The following BNC2 variants were observed in gnomAD, a reference collection of about 807,000 sequenced individuals.
BNC2 encodes the protein basonuclin zinc finger protein 2.
Under a neutral mutation model 76.3 loss-of-function variants are expected in BNC2, and 20 were observed. The ratio of observed to expected loss-of-function variants is 0.26; its 90% CI spans 0.18 to 0.38. The LOEUF (loss-of-function observed/expected upper bound fraction) is 0.38. Among genes scored for constraint, BNC2 ranks in the 10% least tolerant of loss-of-function variants. The probability of loss-of-function intolerance (pLI) is 1.00; values close to 1 mark genes in which losing one functional copy is unlikely to be tolerated. For synonymous variants in BNC2, 582 were observed against 514.8 expected (o/e 1.13, Z -1.77); for missense variants, 1,382 against 1,399.8 (o/e 0.99, Z 0.20).
intron 1 of BNC2, among the ~76,000 whole-genome samples, chr9:16,784,778 G>C (rs1826239153): frequency 6.6e-6 from 1 of 152,208 alleles, no homozygotes; most frequent in Non-Finnish European, 1.5e-5. Context: ...AGTTAAAAGA[G>C]TGATGTGAAC....
intron 6 of BNC2, chr9:16,429,973 T>C (rs1280722850): frequency 1.9e-6 from 1 of 515,674 alleles, no homozygotes; most frequent in Admixed American, 2.0e-5. Context: ...AAGGAGACCG[T>C]TTTGCTCATT....
At chr9:16,841,543 C>CG (rs397810512) in intron 1 of BNC2, among the ~76,000 whole-genome samples, 1 of 151,606 alleles carries the variant, frequency 6.6e-6, no homozygotes, top group African/African-American at 2.4e-5. Context: ...CTAATCAAAC[C>CG]AGGGCATAAG....
At chr9:16,628,549 G>A (rs1348952744) in intron 3 of BNC2, among the ~76,000 whole-genome samples, 1 of 152,122 alleles carries the variant, frequency 6.6e-6, no homozygotes, top group Non-Finnish European at 1.5e-5. Context: ...AAGTGAGGTG[G>A]GAAACAGGGG....
chr9:16,539,681 A>C, intron 5 of BNC2, among the ~76,000 whole-genome samples: 1 of 54,070 alleles, frequency 1.8e-5, no homozygotes. Context: ...GGAGGGAGGA[A>C]GGAAGGAAGG....
In BNC2 at chr9:16,698,605, AT is replaced by A. The variant is rs1823410964; in HGVS notation, c.330+29191del. Among the ~76,000 whole-genome samples, 4 of 152,256 alleles carry A rather than the reference AT, an allele frequency of 2.6e-5. No homozygotes were observed. The South Asian group carries it at 8.3e-4, about 32-fold the overall frequency. ...ATACTCGGGAGGCTGAGGCAGGAGA[AT>A]CGCTTGAACCCGGGGAAACAGAGGT... On this transcript the variant is annotated intron_variant, in intron 3 of 6. Transcript: ENST00000380672.
chr9:16,468,559 C>G (rs1821747176), intron 5 of BNC2, among the ~76,000 whole-genome samples: 1 of 151,956 alleles, frequency 6.6e-6, no homozygotes, highest in East Asian at 1.9e-4. Context: ...CCACGCCTGG[C>G]TACTTTTTGT....
At chr9:16,570,432 C>A (rs1819289151) in intron 4 of BNC2, among the ~76,000 whole-genome samples, 1 of 152,168 alleles carries the variant, frequency 6.6e-6, no homozygotes, top group Non-Finnish European at 1.5e-5. Context: ...AATCTCTAGG[C>A]TATCACACAC....
In BNC2 at chr9:16,819,084, C is replaced by A. The variant is rs570870635; in HGVS notation, c.3+51562G>T. Among the ~76,000 whole-genome samples, 3 of 152,212 alleles carry A rather than the reference C, an allele frequency of 2.0e-5. No homozygotes were observed. The East Asian group carries it at 5.8e-4, about 29-fold the overall frequency. On this transcript the variant is annotated intron_variant, in intron 1 of 6. Coordinates refer to ENST00000380672, the MANE Select transcript of BNC2 (RefSeq NM_017637.6). ...GACATTGCATGAACCAATGACAAAA[C>A]TGAGTCATGAATTAAGAAGTGAGGT...
At chr9:16,688,247 A>G (rs1823035938) in intron 3 of BNC2, among the ~76,000 whole-genome samples, 1 of 152,200 alleles carries the variant, frequency 6.6e-6, no homozygotes, top group African/African-American at 2.4e-5. Context: ...GAATTCATCA[A>G]AATGTACTAA....
chr9:16,536,302 A>G (rs1818128502), intron 5 of BNC2, among the ~76,000 whole-genome samples: 1 of 152,198 alleles, frequency 6.6e-6, no homozygotes, highest in Admixed American at 6.5e-5. Context: ...GGCATGCAAC[A>G]TTGTGGAAAA....
chr9:16,776,244 G>A (rs879684502), intron 1 of BNC2, among the ~76,000 whole-genome samples: 11 of 152,206 alleles, frequency 7.2e-5, no homozygotes, highest in South Asian at 2.1e-4. Context: ...GGGTTCAAGC[G>A]ATTCTCCTCT....
intron 1 of BNC2, among the ~76,000 whole-genome samples, chr9:16,864,620 A>G (rs1819496047): frequency 6.6e-6 from 1 of 152,166 alleles, no homozygotes; most frequent in South Asian, 2.1e-4. Context: ...GCGTCGGCCT[A>G]TCCCCCATGT....
chr9:16,791,910 C>T (rs777697365), intron 1 of BNC2, among the ~76,000 whole-genome samples: 1 of 152,072 alleles, frequency 6.6e-6, no homozygotes, highest in African/African-American at 2.4e-5. Flanking sequence ...AGAGACCAGC[C>T]TGGGCAGCAT....
chr9:16,603,127 G>A (rs75250257), intron 3 of BNC2, among the ~76,000 whole-genome samples: 39 of 152,266 alleles, frequency 2.6e-4, no homozygotes, highest in African/African-American at 9.4e-4. Flanking sequence ...TAATAGATTA[G>A]GTTAAATCTA....
chr9:16,583,117 A>C, intron 3 of BNC2, 32 bp from the exon 4 acceptor site: 1 of 1,551,538 alleles, frequency 6.4e-7, no homozygotes. Context: ...AAAGGTCAGC[A>C]TCTGTTCAAA....
chr9:16,868,107 GAC>G (rs1819587332), intron 1 of BNC2: 1 of 152,178 alleles, frequency 6.6e-6, no homozygotes, highest in Non-Finnish European at 1.5e-5. Context: ...TTTTTGAAAA[GAC>G]GACACAGCAT....
intron 3 of BNC2, among the ~76,000 whole-genome samples, chr9:16,603,117 T>C (rs916833548): frequency 2.6e-5 from 4 of 152,184 alleles, no homozygotes; most frequent in Admixed American, 6.5e-5. Context: ...GTCAAACCAG[T>C]AATAGATTAG....
At chr9:16,634,068 C>T (rs2133774187) in intron 3 of BNC2, among the ~76,000 whole-genome samples, 1 of 152,316 alleles carries the variant, frequency 6.6e-6, no homozygotes, top group Non-Finnish European at 1.5e-5. Context: ...TGATTCCTAA[C>T]TAGTACTTCT....
intron 3 of BNC2, among the ~76,000 whole-genome samples, chr9:16,632,758 T>C (rs980204120): frequency 1.3e-5 from 2 of 152,208 alleles, no homozygotes; most frequent in South Asian, 4.1e-4. Context: ...CATCTGGTAA[T>C]ATTCCAGATG....
Sources: allele counts gnomAD v4.1 joint callset (sites outside exome capture counted in the v4.1 genomes callset), GRCh38; gene constraint gnomAD v4.1.1; transcripts MANE v1.5; gene names NCBI Gene and HGNC (gene_info 2026-07-23, HGNC 2026-07-21).